NAT1: variants seen among roughly 807,000 people sequenced by gnomAD.
The protein encoded by NAT1 is arylamine N-acetyltransferase 1.
For missense variants in NAT1, 400 were observed against 339.2 expected, an observed-to-expected ratio of 1.18 and a Z score of -1.41; for synonymous variants, 144 against 122.6, an observed-to-expected ratio of 1.17 and a Z score of -1.16.
At chr8:18,218,110 G>T (rs558483218) in intron 1 of NAT1, among the ~76,000 whole-genome samples, 62 of 152,228 alleles carry the variant, frequency 4.1e-4, no homozygotes, top group African/African-American at 1.4e-3. Context: ...ACCGTTTCCT[G>T]CTCTTTATTC....
chr8:18,179,592 T>C (rs28383679), intron 2 of NAT1, among the ~76,000 whole-genome samples: 40,936 of 152,072 alleles, frequency 0.27, 6,133 homozygotes, highest in African/African-American at 0.39. Context: ...TGGTGCATGA[T>C]TAGCAGTCCC....
intron 2 of NAT1, among the ~76,000 whole-genome samples, chr8:18,171,459 C>A (rs1802095574): frequency 6.6e-6 from 1 of 152,130 alleles, no homozygotes; most frequent in Non-Finnish European, 1.5e-5. Context: ...AAGAGGGGTG[C>A]AGTTTGACCG....
At chr8:18,199,577 G>T (rs897834000) in intron 2 of NAT1, among the ~76,000 whole-genome samples, 1 of 152,120 alleles carries the variant, frequency 6.6e-6, no homozygotes, top group Non-Finnish European at 1.5e-5. Context: ...TGGAAGGTTT[G>T]CCTTCAGTCT....
At chr8:18,187,431 A>G (rs1037377803) in intron 2 of NAT1, among the ~76,000 whole-genome samples, 2 of 152,240 alleles carry the variant, frequency 1.3e-5, no homozygotes, top group Non-Finnish European at 2.9e-5. Context: ...ACAATAGCAA[A>G]GACATGGAAT....
At chr8:18,187,174 G>C (rs1024006048) in intron 2 of NAT1, among the ~76,000 whole-genome samples, 5 of 152,076 alleles carry the variant, frequency 3.3e-5, no homozygotes, top group African/African-American at 1.2e-4. Context: ...GGTCACTGTG[G>C]TTATTATTAA....
chr8:18,173,025 C>A (rs776812813), intron 2 of NAT1, among the ~76,000 whole-genome samples: 4 of 152,064 alleles, frequency 2.6e-5, no homozygotes, highest in Non-Finnish European at 5.9e-5. Flanking sequence ...GACCTCTCTT[C>A]AGGGGCGAGT....
chr8:18,203,872 G>T (rs1803583525), intron 2 of NAT1, among the ~76,000 whole-genome samples: 1 of 152,186 alleles, frequency 6.6e-6, no homozygotes, highest in Non-Finnish European at 1.5e-5. Flanking sequence ...AGCTTGCACA[G>T]GTGAATGCTG....
chr8:18,186,803 T>C (rs1179987169), intron 2 of NAT1, among the ~76,000 whole-genome samples: 2 of 152,130 alleles, frequency 1.3e-5, no homozygotes, highest in Non-Finnish European at 2.9e-5. Context: ...AAATGGGAAC[T>C]AATTAATCTA....
chr8:18,183,497 A>G (rs1176806684), intron 2 of NAT1, among the ~76,000 whole-genome samples: 1 of 152,222 alleles, frequency 6.6e-6, no homozygotes, highest in Admixed American at 6.5e-5. Context: ...AGATATTCAG[A>G]AGAAGCCGGC....
intron 2 of NAT1, among the ~76,000 whole-genome samples, chr8:18,170,903 T>C (rs935994080): frequency 9.3e-4 from 142 of 152,266 alleles, no homozygotes; most frequent in Non-Finnish European, 1.6e-3. Flanking sequence ...CCTTTTTTTT[T>C]TCTTTCTTTT....
At chr8:18,192,883 T>C in intron 2 of NAT1, among the ~76,000 whole-genome samples, 1 of 151,750 alleles carries the variant, frequency 6.6e-6, no homozygotes, top group Non-Finnish European at 1.5e-5. Flanking sequence ...GAGATATACC[T>C]AATGCTAAAT....
chr8:18,208,793 G>A (rs1341191313), upstream of NAT1, among the ~76,000 whole-genome samples: 1 of 152,188 alleles, frequency 6.6e-6, no homozygotes, highest in Non-Finnish European at 1.5e-5. Context: ...CACAGAGGGA[G>A]CATTTAGACC....
intron 2 of NAT1, chr8:18,200,919 T>C (rs913499606): frequency 2.0e-5 from 3 of 152,170 alleles, no homozygotes; most frequent in Non-Finnish European, 4.4e-5. Flanking sequence ...ATATAATTTT[T>C]AGCTCTGAAG....
At chr8:18,185,447 T>C (rs539670001) in intron 2 of NAT1, among the ~76,000 whole-genome samples, 1 of 152,286 alleles carries the variant, frequency 6.6e-6, no homozygotes, top group Non-Finnish European at 1.5e-5. Flanking sequence ...ATACTGGTCA[T>C]AATGTGGTGT....
chr8:18,213,163 C>T (rs148443469), intron 1 of NAT1, among the ~76,000 whole-genome samples: 1,905 of 151,888 alleles, frequency 0.013, 18 homozygotes, highest in Middle Eastern at 0.027. Flanking sequence ...CCACTCGCCT[C>T]GGCCTCCCAA....
intron 1 of NAT1, 61 bp from the exon 2 acceptor site, chr8:18,219,347 CTAT>C: frequency 9.0e-7 from 1 of 1,109,206 alleles, no homozygotes; most frequent in South Asian, 1.4e-5. Context: ...GTCTACAAAA[CTAT>C]TATTTTGTTT....
chr8:18,184,039 G>A (rs973674514), intron 2 of NAT1, among the ~76,000 whole-genome samples: 5 of 152,088 alleles, frequency 3.3e-5, no homozygotes, highest in Non-Finnish European at 7.4e-5. Context: ...GTCCCGGGGC[G>A]GGGTGGTGGG....
At chr8:18,208,083 G>A (rs546036200), upstream of NAT1, among the ~76,000 whole-genome samples, 3 of 152,112 alleles carry the variant, frequency 2.0e-5, no homozygotes, top group East Asian at 5.8e-4. Context: ...CATGGACATA[G>A]GGAGGGGAGC....
chr8:18,207,579 C>A (rs752536063), upstream of NAT1, among the ~76,000 whole-genome samples: 18 of 152,194 alleles, frequency 1.2e-4, no homozygotes, highest in Non-Finnish European at 2.2e-4. Flanking sequence ...CCATCTCTTG[C>A]CAGTCAGAAT....
Sources: gnomAD v4.1 joint callset for allele counts (sites outside exome capture counted in the v4.1 genomes callset) on GRCh38, gnomAD v4.1.1 for gene constraint, MANE v1.5 for transcripts, NCBI Gene and HGNC (gene_info 2026-07-23, HGNC 2026-07-21) for gene names.